The following FNDC3B variants were observed in gnomAD, a reference collection of about 807,000 sequenced individuals.
FNDC3B encodes fibronectin type III domain-containing protein 3B.
FNDC3B carries 12 observed loss-of-function variants against 151.5 expected under a neutral mutation model. The ratio of observed to expected loss-of-function variants is 0.08; its 90% CI spans 0.05 to 0.13. FNDC3B has a LOEUF of 0.13. Ranked by LOEUF, FNDC3B falls within the 10% of genes least tolerant of loss-of-function variation. The pLI, the probability that FNDC3B is intolerant of heterozygous loss-of-function variation, is 1.00. For missense variants in FNDC3B, 1,214 were observed against 1,505.3 expected, an observed-to-expected ratio of 0.81 and a Z score of 3.20; for synonymous variants, 528 against 549.0, an observed-to-expected ratio of 0.96 and a Z score of 0.54.
intron 5 of FNDC3B, 39 bp downstream of exon 5, chr3:172,247,815 T>C: frequency 6.2e-7 from 1 of 1,604,446 alleles, no homozygotes; most frequent in Non-Finnish European, 8.5e-7. Context: ...CCGTTGAAAC[T>C]GATTACAGCG....
intron 25 of FNDC3B, among the ~76,000 whole-genome samples, chr3:172,395,938 G>T (rs1298403574): frequency 2.0e-5 from 3 of 152,140 alleles, no homozygotes; most frequent in African/African-American, 7.2e-5. Context: ...AGGATGTGGT[G>T]CAACTCAGAC....
intron 6 of FNDC3B, among the ~76,000 whole-genome samples, chr3:172,254,840 T>C (rs1253215493): frequency 2.6e-5 from 4 of 152,206 alleles, no homozygotes; most frequent in South Asian, 4.1e-4. Flanking sequence ...ATTAGACATA[T>C]AGTACTTGGC....
chr3:172,143,104 TAGGGGACACAA>T (rs1260602494), intron 3 of FNDC3B, among the ~76,000 whole-genome samples: 2 of 152,070 alleles, frequency 1.3e-5, no homozygotes, highest in Non-Finnish European at 2.9e-5. Flanking sequence ...TGCGCTGGGG[TAGGGGACACAA>T]ACATTCAGAC....
chr3:172,170,302 C>G (rs1013090206), intron 3 of FNDC3B, among the ~76,000 whole-genome samples: 1 of 152,200 alleles, frequency 6.6e-6, no homozygotes, highest in South Asian at 2.1e-4. Context: ...GTTTGTTTCT[C>G]TCCTTCCCCC....
intron 23 of FNDC3B, among the ~76,000 whole-genome samples, chr3:172,368,487 T>C (rs1734737473): frequency 6.6e-6 from 1 of 152,188 alleles, no homozygotes; most frequent in African/African-American, 2.4e-5. Flanking sequence ...CCCCGATCCA[T>C]ATAATCATCA....
At chr3:172,176,769 A>G (rs1220208017) in intron 3 of FNDC3B, among the ~76,000 whole-genome samples, 2 of 152,176 alleles carry the variant, frequency 1.3e-5, no homozygotes, top group African/African-American at 2.4e-5. Flanking sequence ...TTATTCTGTG[A>G]TATTTGTTGA....
chr3:172,228,381 G>A (rs4525896), intron 4 of FNDC3B, among the ~76,000 whole-genome samples: 35,285 of 152,060 alleles, frequency 0.23, 4,346 homozygotes, highest in East Asian at 0.44. Context: ...CCATTGTGAC[G>A]CAAAAATAAC....
At chr3:172,293,573 A>G (rs1321241493) in intron 7 of FNDC3B, among the ~76,000 whole-genome samples, 1 of 152,200 alleles carries the variant, frequency 6.6e-6, no homozygotes, top group African/African-American at 2.4e-5. Context: ...AAAGGCCATA[A>G]TGTGATTAGC....
At chr3:172,252,428 C>G (rs1371427824) in intron 6 of FNDC3B, among the ~76,000 whole-genome samples, 1 of 151,696 alleles carries the variant, frequency 6.6e-6, no homozygotes, top group African/African-American at 2.4e-5. Context: ...TTCTCACAGA[C>G]ACAGTCCCAG....
rs1471794555 is a variant in FNDC3B at position 172,203,240 on chromosome 3, G to A, written c.188-23631G>A. ...GCACTTACTCATATTTTTAAAAGGA[G>A]AATGTTGTAATTTCTTGTTAAAATT... On this transcript the variant is annotated intron_variant, in intron 3 of 25. Transcript: ENST00000415807. 3.3e-5 allele frequency among the ~76,000 whole-genome samples: 5 copies of A among 152,330 alleles called. No homozygotes were observed. The East Asian group carries it at 7.7e-4, about 23-fold the overall frequency.
intron 4 of FNDC3B, among the ~76,000 whole-genome samples, chr3:172,232,395 A>C (rs932691473): frequency 6.6e-6 from 1 of 152,226 alleles, no homozygotes; most frequent in African/African-American, 2.4e-5. Context: ...AAACTCCTGA[A>C]GTTTAACAGA....
chr3:172,208,098 C>A (rs1189050582), intron 3 of FNDC3B, among the ~76,000 whole-genome samples: 1 of 37,764 alleles, frequency 2.6e-5, no homozygotes, highest in African/African-American at 8.9e-5. Context: ...CCATGCTGGA[C>A]AGCAGATTTG....
chr3:172,386,543 C>A (rs1735718306), intron 25 of FNDC3B, among the ~76,000 whole-genome samples: 1 of 152,056 alleles, frequency 6.6e-6, no homozygotes, highest in Non-Finnish European at 1.5e-5. Context: ...GAGATCGAGA[C>A]CATCCTGGCT....
chr3:172,363,015 C>G (rs966640000), intron 23 of FNDC3B, among the ~76,000 whole-genome samples, 170 bp downstream of exon 23: 2 of 151,698 alleles, frequency 1.3e-5, no homozygotes, highest in Non-Finnish European at 2.9e-5. Context: ...CTTTTATTCT[C>G]TATTTGGAAT....
intron 25 of FNDC3B, among the ~76,000 whole-genome samples, chr3:172,396,376 A>G (rs1362863974): frequency 6.6e-6 from 1 of 152,206 alleles, no homozygotes. Context: ...TTTGTAATGT[A>G]TCCAGTTGTC....
At chr3:172,229,550 A>G (rs1379146173) in intron 4 of FNDC3B, among the ~76,000 whole-genome samples, 1 of 152,154 alleles carries the variant, frequency 6.6e-6, no homozygotes, top group Non-Finnish European at 1.5e-5. Context: ...TCACAGAAAT[A>G]GTTGTTCTGT....
At chr3:172,353,458 A>G (rs775504851) in intron 22 of FNDC3B, among the ~76,000 whole-genome samples, 3 of 152,240 alleles carry the variant, frequency 2.0e-5, no homozygotes, top group Non-Finnish European at 4.4e-5. Context: ...AAATGATGGT[A>G]AAACTTTTAA....
chr3:172,317,194 T>C, intron 11 of FNDC3B: 4 of 448,830 alleles, frequency 8.9e-6, no homozygotes, highest in South Asian at 6.3e-5. Flanking sequence ...TTTTTCTTTT[T>C]TTTTTTTGAG....
intron 3 of FNDC3B, among the ~76,000 whole-genome samples, chr3:172,177,690 CT>C (rs1723678275): frequency 1.5e-5 from 1 of 68,538 alleles, no homozygotes. Flanking sequence ...TTTTTCTTTT[CT>C]TTTATAAAAT....
Sources: gnomAD v4.1 joint callset for allele counts (sites outside exome capture counted in the v4.1 genomes callset) on GRCh38, gnomAD v4.1.1 for gene constraint, MANE v1.5 for transcripts, NCBI Gene and HGNC (gene_info 2026-07-23, HGNC 2026-07-21) for gene names.